Variants in TTC23L observed in about 807,000 individuals in gnomAD.
TTC23L encodes tetratricopeptide repeat domain 23 like, also known as tetratricopeptide repeat protein 23-like.
TTC23L carries 42 observed loss-of-function variants against 48.1 expected under a neutral mutation model. That is an observed-to-expected ratio of 0.87 (90% CI 0.68 to 1.13). The LOEUF is 1.13. Among genes scored for constraint, TTC23L ranks in the 50% most tolerant of loss-of-function variants. TTC23L has a pLI of 0.00. For synonymous variants in TTC23L, 159 were observed against 157.2 expected (o/e 1.01, Z -0.09); for missense variants, 391 against 421.0 (o/e 0.93, Z 0.62).
the TTC23L span, among the ~76,000 whole-genome samples, chr5:34,917,554 C>T: frequency 6.6e-6 from 1 of 151,738 alleles, no homozygotes; most frequent in African/African-American, 2.4e-5. Flanking sequence ...GCAGGAGAAT[C>T]GCTTGAACCC....
chr5:34,925,560 C>CTTTT, the TTC23L span: 5 of 1,359,028 alleles, frequency 3.7e-6, no homozygotes, highest in Non-Finnish European at 5.0e-6. Context: ...TGTGTAAATA[C>CTTTT]TTTTATTATC....
chr5:34,846,600 T>TATATATATATATATATAC lies in TTC23L; in HGVS notation c.255+928_255+929insTATATATATATATATACA, dbSNP rs61009546. Among the ~76,000 whole-genome samples the TATATATATATATATATAC allele has an allele frequency of 3.4e-4, 32 of 92,884 alleles. 1 individual carries two copies. Among genetic ancestry groups the TATATATATATATATATAC allele is most frequent in the Middle Eastern group, 6.0e-3 (1 of 166 alleles). The allele number at this position is 92,884 out of a possible 152,430, so 60.9% of individuals were successfully genotyped here. A position where few individuals can be genotyped will look rare whatever the true frequency, so the allele number is the denominator to read the frequency against. ...AAATATATATATATATATATATATA[T>TATATATATATATATATAC]ACACACACATATATATACACACACA... is the stretch of plus-strand genomic sequence containing the variant. On this transcript the variant is annotated intron_variant, in intron 3 of 10. Coordinates refer to ENST00000505624, the Ensembl canonical transcript of TTC23L.
chr5:34,847,976 G>A (rs964950971), intron 3 of TTC23L, among the ~76,000 whole-genome samples: 9 of 152,022 alleles, frequency 5.9e-5, no homozygotes, highest in Admixed American at 4.6e-4. Flanking sequence ...TTCTTCAAAC[G>A]GGTTACACTT....
At chr5:34,889,324 A>T (rs746946665) in intron 9 of TTC23L, among the ~76,000 whole-genome samples, 1 of 151,554 alleles carries the variant, frequency 6.6e-6, no homozygotes, top group Admixed American at 6.6e-5. Context: ...TTGGACTCAA[A>T]TAAGTGTGAC....
At chr5:34,897,944 T>G (rs1479031773) in intron 10 of TTC23L, among the ~76,000 whole-genome samples, 1 of 152,228 alleles carries the variant, frequency 6.6e-6, no homozygotes, top group Non-Finnish European at 1.5e-5. Flanking sequence ...ATCTTTTTGA[T>G]TCATGGTGGT....
At position 34,867,021 on chromosome 5, in the gene TTC23L, A is replaced by G. The variant is rs769630109; in HGVS notation, c.792A>G (p.Ile264Met). Residue 264 changes from isoleucine (I) to methionine (M), a missense_variant, in exon 7 of 11, where the codon ATA (isoleucine) becomes ATG (methionine). Transcript: ENST00000505624. Reference sequence around the variant, plus strand: ...GCCTGTACGAGGAAGCTGCTCAGATAGAGCAGCTGAGGAGGAACCACAACC... The same window carrying G: ...GCCTGTACGAGGAAGCTGCTCAGATGGAGCAGCTGAGGAGGAACCACAACC... The G allele has an allele frequency of 7.4e-6, 12 of 1,612,014 alleles. No individual in the cohort carries two copies. In the East Asian group the frequency reaches 2.0e-4, roughly 27 times the overall value.
At chr5:34,872,561 C>A (rs1761540619) in intron 8 of TTC23L, among the ~76,000 whole-genome samples, 2 of 151,800 alleles carry the variant, frequency 1.3e-5, no homozygotes. Flanking sequence ...TAGCAGTTGG[C>A]AAATTCATAA....
At chr5:34,850,333 T>A (rs746736214) in intron 4 of TTC23L, 25 bp downstream of exon 4, 1 of 1,612,626 alleles carries the variant, frequency 6.2e-7, no homozygotes, top group African/African-American at 1.3e-5. Context: ...CAGCTGGGTT[T>A]GGGTGGCCAG....
the TTC23L span, among the ~76,000 whole-genome samples, chr5:34,919,443 G>C: frequency 6.6e-6 from 1 of 151,994 alleles, no homozygotes; most frequent in Non-Finnish European, 1.5e-5. Context: ...GTGCAGGTTT[G>C]TTACACGGGC....
chr5:34,865,327 T>G (rs1760971710), intron 6 of TTC23L, among the ~76,000 whole-genome samples: 1 of 152,228 alleles, frequency 6.6e-6, no homozygotes, highest in Non-Finnish European at 1.5e-5. Context: ...ATGCGTCATG[T>G]CTGCGTCCTC....
In TTC23L at chr5:34,863,598, A is replaced by G. The variant is rs1235717186; in HGVS notation, c.536+544A>G. Among the ~76,000 whole-genome samples, 1 of 152,220 alleles carries G rather than the reference A, an allele frequency of 6.6e-6. No homozygotes were observed. The highest frequency in any genetic ancestry group is 1.5e-5 in the Non-Finnish European group (1 of 68,036). ...TTTGCAGCCCAAAACCACTGATTTA[A>G]CTGATTCTCGATCATTTTAGTTTTT... On this transcript the variant is annotated intron_variant, in intron 5 of 10. Transcript: ENST00000505624. This position sits in a 1 kb window ranked among gnomAD's most constrained non-coding sequence, Gnocchi z 4.1.
intron 4 of TTC23L, among the ~76,000 whole-genome samples, chr5:34,850,839 T>C (rs2150362233): frequency 6.6e-6 from 1 of 152,312 alleles, no homozygotes; most frequent in East Asian, 1.9e-4. Context: ...GACAAGAATC[T>C]ATTTGCTAAA....
intron 8 of TTC23L, among the ~76,000 whole-genome samples, chr5:34,879,305 T>G (rs921004185): frequency 6.6e-6 from 1 of 152,210 alleles, no homozygotes; most frequent in African/African-American, 2.4e-5. Flanking sequence ...GAATTGCACT[T>G]GTACTCCATA....
the TTC23L span, chr5:34,924,805 A>T: frequency 6.9e-7 from 1 of 1,443,446 alleles, no homozygotes; most frequent in Non-Finnish European, 9.7e-7. Flanking sequence ...TTTTGGGAAT[A>T]ACGTAACCAA....
At chr5:34,913,424 C>A in the TTC23L span, 6 of 1,132,290 alleles carry the variant, frequency 5.3e-6, no homozygotes, top group South Asian at 3.7e-5. Context: ...ATTTTTCTGA[C>A]CACTATGTAT....
the TTC23L span, chr5:34,915,370 C>A: frequency 4.0e-6 from 1 of 247,306 alleles, no homozygotes; most frequent in South Asian, 6.7e-5. Context: ...GCCCGCGGGA[C>A]AGCATCGCTT....
the TTC23L span, chr5:34,915,731 G>A: frequency 6.3e-7 from 1 of 1,596,004 alleles, no homozygotes; most frequent in Non-Finnish European, 8.5e-7. Context: ...CGCGGGCGGC[G>A]AGGCAAGATG....
At chr5:34,893,351 C>T (rs1762992920) in intron 9 of TTC23L, among the ~76,000 whole-genome samples, 1 of 152,146 alleles carries the variant, frequency 6.6e-6, no homozygotes, top group Non-Finnish European at 1.5e-5. Context: ...GCAATACCCA[C>T]AATACATTCA....
chr5:34,915,383 T>C, the TTC23L span: 2 of 246,822 alleles, frequency 8.1e-6, no homozygotes, highest in East Asian at 9.4e-5. Flanking sequence ...CATCGCTTAC[T>C]AGTCTCGGGG....
Sources: allele counts gnomAD v4.1 joint callset (sites outside exome capture counted in the v4.1 genomes callset), GRCh38; gene constraint gnomAD v4.1.1; non-coding constraint Gnocchi (gnomAD v3.1); transcripts MANE v1.5; gene names NCBI Gene and HGNC (gene_info 2026-07-23, HGNC 2026-07-21).